The following UGT1A9 variants were observed in gnomAD, a reference collection of about 807,000 sequenced individuals.
UGT1A9 encodes the protein UDP glucuronosyltransferase family 1 member A9, also known as UDP-glucuronosyltransferase 1A9.
Under a neutral mutation model 45.0 loss-of-function variants are expected in UGT1A9, and 35 were observed. The ratio of observed to expected loss-of-function variants is 0.78; its 90% CI spans 0.59 to 1.03. UGT1A9 has a LOEUF of 1.03. Among genes scored for constraint, UGT1A9 ranks in the 50% least tolerant of loss-of-function variants. UGT1A9 has a pLI of 0.00. For synonymous variants in UGT1A9, 278 were observed against 250.6 expected, an observed-to-expected ratio of 1.11 and a Z score of -1.03; for missense variants, 687 against 666.6, an observed-to-expected ratio of 1.03 and a Z score of -0.34.
At chr2:233,756,852 C>A (rs11568318) in intron 1 of UGT1A9, among the ~76,000 whole-genome samples, 7,795 of 152,070 alleles carry the variant, frequency 0.051, 227 homozygotes, top group African/African-American at 0.061. Context: ...AACATTCTAA[C>A]GGTTCATAAA....
chr2:233,761,187 T>C, intron 1 of UGT1A9: 1 of 1,614,214 alleles, frequency 6.2e-7, no homozygotes, highest in Non-Finnish European at 8.5e-7. Context: ...ATGCGTATAT[T>C]CTTTCAGATG....
chr2:233,767,291 C>T (rs1383202700), intron 2 of UGT1A9, 126 bp downstream of exon 2: 1 of 1,553,770 alleles, frequency 6.4e-7, no homozygotes, highest in African/African-American at 1.4e-5. Context: ...CACTTCCCAA[C>T]TATTAATCCA....
intron 1 of UGT1A9, chr2:233,692,249 A>G (rs992751778): frequency 6.6e-6 from 1 of 152,426 alleles, no homozygotes; most frequent in Admixed American, 6.5e-5. Flanking sequence ...CCATACCCCC[A>G]TATCTTGTTC....
At chr2:233,718,701 G>A in intron 1 of UGT1A9, 1 of 1,599,658 alleles carries the variant, frequency 6.3e-7, no homozygotes, top group Non-Finnish European at 8.5e-7. Context: ...AGGGCACTTT[G>A]TCTTCCAATT....
rs1218307967 is a variant in UGT1A9 at position 233,768,238 on chromosome 2, C to G, written c.1094C>G (p.Ala365Gly). 1.2e-6 allele frequency: 2 copies of G among 1,614,074 alleles called. No homozygotes were observed. The highest frequency in any genetic ancestry group is 1.6e-4 in the Middle Eastern group (1 of 6,084). The change falls in exon 4 of 5, where the codon GCC becomes GGC. Residue 365 changes from alanine (A) to glycine (G), a missense_variant. Coordinates refer to ENST00000354728, the MANE Select transcript of UGT1A9 (RefSeq NM_021027.3). ...NDLLGHPMTR[A>G]FITHAGSHGV... Reference sequence around the variant, plus strand: ...ATCTCAGGTCACCCGATGACCCGTGCCTTTATCACCCATGCTGGTTCCCAT... The same window carrying G: ...ATCTCAGGTCACCCGATGACCCGTGGCTTTATCACCCATGCTGGTTCCCAT...
At chr2:233,762,468 G>A (rs976449997) in intron 1 of UGT1A9, among the ~76,000 whole-genome samples, 1 of 152,122 alleles carries the variant, frequency 6.6e-6, no homozygotes, top group Non-Finnish European at 1.5e-5. Context: ...TAATGTCATG[G>A]ATATCACTCC....
At chr2:233,718,728 G>C in intron 1 of UGT1A9, 1 of 1,610,998 alleles carries the variant, frequency 6.2e-7, no homozygotes, top group Non-Finnish European at 8.5e-7. Flanking sequence ...TGATTTGCTA[G>C]GTGGCTCAAT....
At chr2:233,682,494 C>T in intron 1 of UGT1A9, 4 of 1,613,944 alleles carry the variant, frequency 2.5e-6, no homozygotes, top group Non-Finnish European at 3.4e-6. Context: ...TGCCCTGCTC[C>T]TCTTTCCTAT....
chr2:233,724,947 G>C (rs941284896), intron 1 of UGT1A9, among the ~76,000 whole-genome samples: 2 of 144,584 alleles, frequency 1.4e-5, no homozygotes, highest in African/African-American at 5.3e-5. Context: ...CTGCAATCCC[G>C]GCACCTCGGG....
At chr2:233,698,012 A>G (rs1043997277) in intron 1 of UGT1A9, among the ~76,000 whole-genome samples, 2 of 152,200 alleles carry the variant, frequency 1.3e-5, no homozygotes, top group African/African-American at 2.4e-5. Flanking sequence ...ATTTCTGCAC[A>G]TTGGTACCAA....
intron 1 of UGT1A9, chr2:233,729,581 A>AC (rs752036126): frequency 6.8e-6 from 11 of 1,613,946 alleles, no homozygotes. Context: ...GTTTTAACAG[A>AC]CCCCGTTAAC....
chr2:233,760,910 A>G (rs1375729895), intron 1 of UGT1A9: 2 of 1,614,074 alleles, frequency 1.2e-6, no homozygotes, highest in Non-Finnish European at 1.7e-6. Context: ...ACCTTCCTGC[A>G]GCGGGTGAAG....
intron 1 of UGT1A9, among the ~76,000 whole-genome samples, chr2:233,725,047 C>G (rs528406821): frequency 6.8e-6 from 1 of 147,932 alleles, no homozygotes; most frequent in Non-Finnish European, 1.5e-5. Context: ...ACCAGTCAGG[C>G]GTGGCGGCGC....
chr2:233,754,715 GCCTGTC>G, intron 1 of UGT1A9: 1 of 549,762 alleles, frequency 1.8e-6, no homozygotes, highest in Non-Finnish European at 3.3e-6. Flanking sequence ...ACTTGAAGCT[GCCTGTC>G]CCATCACTAC....
chr2:233,705,434 C>T (rs1056138201), intron 1 of UGT1A9, among the ~76,000 whole-genome samples: 1 of 152,130 alleles, frequency 6.6e-6, no homozygotes, highest in African/African-American at 2.4e-5. Flanking sequence ...CATAACTTAT[C>T]CTTCAGAATT....
chr2:233,730,090 C>A, intron 1 of UGT1A9: 2 of 1,596,076 alleles, frequency 1.3e-6, no homozygotes, highest in South Asian at 1.1e-5. Flanking sequence ...ACTTATCTTT[C>A]CAAATATTTC....
chr2:233,760,714 A>G, intron 1 of UGT1A9: 1 of 1,614,210 alleles, frequency 6.2e-7, no homozygotes, highest in Non-Finnish European at 8.5e-7. Flanking sequence ...CCTGGCAGAA[A>G]GCAGCTTTGA....
intron 1 of UGT1A9, among the ~76,000 whole-genome samples, chr2:233,695,490 A>G (rs1163711980): frequency 2.0e-5 from 3 of 149,960 alleles, no homozygotes; most frequent in East Asian, 3.9e-4. Flanking sequence ...TCTCTTTTCT[A>G]TCAAAGTTTT....
At chr2:233,675,814 C>T (rs2074336714) in intron 1 of UGT1A9, among the ~76,000 whole-genome samples, 1 of 152,092 alleles carries the variant, frequency 6.6e-6, no homozygotes, top group Admixed American at 6.6e-5. Flanking sequence ...AAATTCTTGG[C>T]ATGTCATTCC....
Sources: gnomAD v4.1 joint callset for allele counts (sites outside exome capture counted in the v4.1 genomes callset) on GRCh38, gnomAD v4.1.1 for gene constraint, MANE v1.5 for transcripts, NCBI Gene and HGNC (gene_info 2026-07-23, HGNC 2026-07-21) for gene names.